Variants in ITSN1 observed in about 807,000 individuals in gnomAD.
ITSN1 encodes the protein intersectin-1.
ITSN1 carries 58 observed loss-of-function variants against 239.8 expected under a neutral mutation model. The observed-to-expected ratio is 0.24, with a 90% confidence interval of 0.20 to 0.30. ITSN1 has a LOEUF of 0.30. ITSN1 is among the 10% of genes least tolerant of loss of function. The pLI is 1.00. For synonymous variants in ITSN1, 780 were observed against 770.8 expected (o/e 1.01, Z -0.20); for missense variants, 1,558 against 2,103.3 (o/e 0.74, Z 5.07).
chr21:33,797,524 G>A lies in ITSN1; in HGVS notation c.2098G>A (p.Glu700Lys). The A allele has an allele frequency of 6.2e-7, 1 of 1,614,138 alleles. No individual in the cohort carries two copies. Among genetic ancestry groups the A allele is most frequent in the East Asian group, 2.2e-5 (1 of 44,880 alleles). The change falls in exon 18 of 40, where the codon GAA (glutamate) becomes AAA (lysine). Residue 700 changes from glutamate to lysine, a missense_variant. Physicochemically the swap from Glu to Lys is moderately conservative, Grantham distance 56. Transcript: ENST00000381318. This position sits in a 1 kb window ranked among gnomAD's most constrained non-coding sequence, Gnocchi z 4.9. The part of the protein sequence containing the change: ...KKDGEEKGKQ[E>K]AQDKLGRLFH... ...GGATGGCGAGGAAAAAGGCAAACAG[G>A]AAGCACAAGACAAGCTGGGTCGGCT...
Position 33,886,345 on chromosome 21 carries a change from GATC to G in ITSN1, c.4903_4905del (p.Ile1635del), listed in dbSNP as rs1161211810. The G allele has an allele frequency of 1.2e-6, 2 of 1,613,842 alleles. No homozygotes were observed. Among genetic ancestry groups the G allele is most frequent in the African/African-American group, 2.7e-5 (2 of 74,844 alleles). On this transcript the variant is annotated inframe_deletion, in exon 39 of 40. Transcript: ENST00000381318. ...GTTCCCAGTGCCACATCACCAAGAC[GATC>G]CAGGACACTCTGAACCCCAAGTGGA...
chr21:33,816,465 A>T (rs916927512), intron 22 of ITSN1, among the ~76,000 whole-genome samples: 2 of 152,200 alleles, frequency 1.3e-5, no homozygotes, highest in African/African-American at 4.8e-5. Context: ...TACTTTACAG[A>T]TGTGGAAATC....
chr21:33,794,356 C>G lies in ITSN1; in HGVS notation c.1840C>G (p.His614Asp). The change falls in exon 17 of 40, where the codon CAC becomes GAC. Residue 614 changes from histidine (H) to aspartate (D), a missense_variant. Physicochemically the swap from His to Asp is moderately conservative, Grantham distance 81. This residue lies in a region of ITSN1 where 982 missense variants were observed against 1,209.9 expected (regional missense o/e 0.81). Transcript: ENST00000381318. ...TTAATTATAGGAACTAAGAGAAATACACAATAAGCAACAACTCCAGAAGCA... is the reference window on the plus strand; with the variant it reads ...TTAATTATAGGAACTAAGAGAAATAGACAATAAGCAACAACTCCAGAAGCA... ...NNQLKELREI[H>D]NKQQLQKQKS... The G allele has an allele frequency of 6.2e-7, 1 of 1,612,678 alleles. No homozygotes were observed. The highest frequency in any genetic ancestry group is 8.5e-7 in the Non-Finnish European group (1 of 1,179,368).
At chr21:33,801,662 C>G (rs998189219) in intron 19 of ITSN1, among the ~76,000 whole-genome samples, 1 of 152,124 alleles carries the variant, frequency 6.6e-6, no homozygotes, top group Non-Finnish European at 1.5e-5. Context: ...CAGAGTCTCC[C>G]TATGTTGCCC....
rs765686532 is a variant in ITSN1, at chr21:33,895,873, C to G, written c.*7573C>G. On this transcript the variant is annotated 3_prime_UTR_variant, in exon 40 of 40. Transcript: ENST00000381318. ...GCGGACAGAGTGCAAAATGAAAATGCGAGGCCCCTTGTTCAGGTGATGAAG... is the reference window on the plus strand; with the variant it reads ...GCGGACAGAGTGCAAAATGAAAATGGGAGGCCCCTTGTTCAGGTGATGAAG... The G allele has an allele frequency of 6.6e-6, 1 of 152,124 alleles. No individual in the cohort carries two copies. Among genetic ancestry groups the G allele is most frequent in the Non-Finnish European group, 1.5e-5 (1 of 68,044 alleles). 9.4% of individuals were successfully genotyped at this position (152,124 alleles called of 1,614,324 possible).
intron 14 of ITSN1, among the ~76,000 whole-genome samples, chr21:33,780,350 G>GAA (rs1432070572): frequency 6.6e-6 from 1 of 152,168 alleles, no homozygotes; most frequent in Non-Finnish European, 1.5e-5. Context: ...TTTGAAGAAA[G>GAA]AAAAGTATGT....
intron 24 of ITSN1, among the ~76,000 whole-genome samples, chr21:33,821,835 A>G (rs2073694039): frequency 6.6e-6 from 1 of 152,248 alleles, no homozygotes. Context: ...ATGGCCAAGG[A>G]TCCTGTCTTA....
chr21:33,644,429 T>TA (rs2087737258), intron 1 of ITSN1, among the ~76,000 whole-genome samples: 1 of 152,106 alleles, frequency 6.6e-6, no homozygotes, highest in Non-Finnish European at 1.5e-5. Context: ...GATCTTTTTT[T>TA]AAAAAAATGG....
intron 1 of ITSN1, among the ~76,000 whole-genome samples, chr21:33,644,230 C>T (rs551608696): frequency 1.3e-5 from 2 of 152,162 alleles, no homozygotes; most frequent in African/African-American, 4.8e-5. Flanking sequence ...ATGGGAGTTT[C>T]CTTGTAAGTA....
chr21:33,643,458 C>G (rs1375097574), intron 1 of ITSN1: 2 of 152,010 alleles, frequency 1.3e-5, no homozygotes, highest in Non-Finnish European at 2.9e-5. Flanking sequence ...AAAAGGAAAC[C>G]GGCGAGGAAT....
At chr21:33,743,977 A>C (rs1305800551) in intron 5 of ITSN1, among the ~76,000 whole-genome samples, 3 of 152,242 alleles carry the variant, frequency 2.0e-5, no homozygotes, top group African/African-American at 7.2e-5. Context: ...TTCTTAAGGA[A>C]TCTATTAGAG....
intron 16 of ITSN1, among the ~76,000 whole-genome samples, chr21:33,786,995 T>C (rs2070728168): frequency 6.6e-6 from 1 of 152,232 alleles, no homozygotes; most frequent in African/African-American, 2.4e-5. Context: ...CAGTTTCCCC[T>C]GCGCAGATGA....
rs1420840469 is a variant in ITSN1 at position 33,856,199 on chromosome 21, A to G, written c.3662-537A>G. Among the ~76,000 whole-genome samples, 6 of 152,320 alleles carry G rather than the reference A, an allele frequency of 3.9e-5. 1 individual carries two copies. The highest frequency in any genetic ancestry group is 2.0e-4 in the Admixed American group (3 of 15,306). On this transcript the variant is annotated intron_variant, in intron 29 of 39. Coordinates refer to ENST00000381318, the MANE Select transcript of ITSN1 (RefSeq NM_003024.3). ...CCAGAGTTTTGGCCAATCGTCATTG[A>G]GTGTTTTGTTTTCACATTATTTTCG...
At chr21:33,862,512 A>C (rs968138811) in intron 31 of ITSN1, among the ~76,000 whole-genome samples, 29 of 152,178 alleles carry the variant, frequency 1.9e-4, no homozygotes, top group African/African-American at 6.0e-4. Context: ...GAGAGAGGGC[A>C]TGGAGCAGAT....
At chr21:33,806,684 T>C (rs1402833710) in intron 20 of ITSN1, among the ~76,000 whole-genome samples, 1 of 152,244 alleles carries the variant, frequency 6.6e-6, no homozygotes, top group African/African-American at 2.4e-5. Flanking sequence ...GTACTTCGCT[T>C]AAATGATGTT....
chr21:33,883,917 T>TTTTA (rs869183476), intron 36 of ITSN1, among the ~76,000 whole-genome samples: 2 of 150,210 alleles, frequency 1.3e-5, no homozygotes, highest in Non-Finnish European at 3.0e-5. Flanking sequence ...TTTTTTTTTT[T>TTTTA]AAGGCAGAGT....
In ITSN1 at chr21:33,889,683, T is replaced by C. The variant is rs1986226599; in HGVS notation, c.*1383T>C. ...TGTCCTTTGCATGTTCTGTTGGTAC[T>C]GGAGTCTAGCTTTCCTGTACTAGAT... On this transcript the variant is annotated 3_prime_UTR_variant, in exon 40 of 40. Transcript: ENST00000381318. 1 of 152,254 alleles carries C rather than the reference T, an allele frequency of 6.6e-6. No individual in the cohort carries two copies. Among genetic ancestry groups the C allele is most frequent in the Admixed American group, 6.5e-5 (1 of 15,286 alleles). The allele number at this position is 152,254 out of a possible 1,614,324, so 9.4% of individuals were successfully genotyped here. A position where few individuals can be genotyped will look rare whatever the true frequency, so the allele number is the denominator to read the frequency against.
At chr21:33,652,488 A>ATATG (rs2088627849) in intron 1 of ITSN1, among the ~76,000 whole-genome samples, 1 of 152,082 alleles carries the variant, frequency 6.6e-6, no homozygotes, top group Non-Finnish European at 1.5e-5. Flanking sequence ...ACATCGTCAT[A>ATATG]TATGTAATCA....
At chr21:33,868,089 C>T (rs895611866) in intron 33 of ITSN1, among the ~76,000 whole-genome samples, 1 of 152,214 alleles carries the variant, frequency 6.6e-6, no homozygotes, top group South Asian at 2.1e-4. Flanking sequence ...ACTGCTGGCT[C>T]GGGCAGCCTG....
Sources: allele counts gnomAD v4.1 joint callset (sites outside exome capture counted in the v4.1 genomes callset), GRCh38; gene constraint gnomAD v4.1.1; regional missense constraint gnomAD v4.1.1; non-coding constraint Gnocchi (gnomAD v3.1); transcripts MANE v1.5; gene names NCBI Gene and HGNC (gene_info 2026-07-23, HGNC 2026-07-21).